Variants in PNPLA7 observed in about 807,000 individuals in gnomAD.
PNPLA7 encodes patatin like domain 7, lysophospholipase.
Under a neutral mutation model 161.7 loss-of-function variants are expected in PNPLA7, and 153 were observed. That is an observed-to-expected ratio of 0.95 (90% confidence interval 0.83 to 1.08). PNPLA7 has a LOEUF of 1.08. Ranked by LOEUF, PNPLA7 falls within the 50% of genes least tolerant of loss-of-function variation. The pLI is 0.00. For synonymous variants in PNPLA7, 809 were observed against 782.1 expected (o/e 1.03, Z -0.57); for missense variants, 1,739 against 1,856.6 (o/e 0.94, Z 1.16).
intron 8 of PNPLA7, among the ~76,000 whole-genome samples, chr9:137,528,053 T>C (rs1369689322): frequency 6.6e-6 from 1 of 152,236 alleles, no homozygotes; most frequent in Admixed American, 6.5e-5. Context: ...AATATTTCCT[T>C]ATTAGTCCTT....
At position 137,542,811 on chromosome 9, in the gene PNPLA7, C is replaced by T; in HGVS notation, c.507-10G>A. ...AAAGTGGCCCAGGACCCTGCAAGAGCCAGAGGGCACTGTGGGACGCCCTTC... is the reference window on the plus strand; with the variant it reads ...AAAGTGGCCCAGGACCCTGCAAGAGTCAGAGGGCACTGTGGGACGCCCTTC... On this transcript the variant is annotated splice_polypyrimidine_tract_variant and intron_variant, in intron 6 of 34. Transcript: ENST00000406427. 6.2e-7 allele frequency: 1 copy of T among 1,605,274 alleles called. No individual in the cohort carries two copies. The highest frequency in any genetic ancestry group is 8.5e-7 in the Non-Finnish European group (1 of 1,173,486).
chr9:137,543,652 A>C lies in PNPLA7; in HGVS notation c.365+72T>G. On this transcript the variant is annotated intron_variant, in intron 5 of 34. Coordinates refer to ENST00000406427, the MANE Select transcript of PNPLA7 (RefSeq NM_001098537.3). This position sits in a 1 kb window ranked among gnomAD's most constrained non-coding sequence, Gnocchi z 6.9. ...AGCATCAGTGGCTGACACACCAGGC[A>C]GCTCAGGGTTGGGGAGGCCAGCACC... 1 of 1,610,430 alleles carries C rather than the reference A, an allele frequency of 6.2e-7. No homozygotes were observed. The highest frequency in any genetic ancestry group is 1.1e-5 in the South Asian group (1 of 90,692).
intron 1 of PNPLA7, among the ~76,000 whole-genome samples, chr9:137,549,292 G>A (rs1192051057): frequency 1.3e-5 from 2 of 152,182 alleles, no homozygotes; most frequent in Non-Finnish European, 2.9e-5. Flanking sequence ...ACTAGGCCGG[G>A]CACGGTGGCT....
intron 11 of PNPLA7, 86 bp from the exon 12 acceptor site, chr9:137,515,605 G>A: frequency 7.0e-7 from 1 of 1,433,468 alleles, no homozygotes; most frequent in Non-Finnish European, 9.1e-7. Flanking sequence ...GCAGGGAGCA[G>A]GGTCCCCACA....
At position 137,515,444 on chromosome 9, in the gene PNPLA7, C is replaced by G. The variant is rs777949230; in HGVS notation, c.1160G>C (p.Arg387Pro). ...RSHSVPAPSI[R>P]KQILEELEKP... Reference sequence around the variant, plus strand: ...CTCCAGCTCCTCCAAGATCTGTTTGCGAATGGAAGGCGCGGGGACGGAGTG... The same window carrying G: ...CTCCAGCTCCTCCAAGATCTGTTTGGGAATGGAAGGCGCGGGGACGGAGTG... Residue 387 changes from arginine to proline, a missense_variant, in exon 12 of 35, where the codon CGC becomes CCC. Transcript: ENST00000406427. The G allele has an allele frequency of 3.1e-6, 5 of 1,600,146 alleles. No homozygotes were observed. Among genetic ancestry groups the G allele is most frequent in the Non-Finnish European group, 3.4e-6 (4 of 1,174,706 alleles).
Position 137,540,785 on chromosome 9 carries a change from A to C in PNPLA7, c.667-63T>G. 6.7e-7 allele frequency: 1 copy of C among 1,481,874 alleles called. No individual in the cohort carries two copies. Among genetic ancestry groups the C allele is most frequent in the Non-Finnish European group, 9.2e-7 (1 of 1,086,342 alleles). The allele number at this position is 1,481,874 out of a possible 1,614,324, so 91.8% of individuals were successfully genotyped here. A position where few individuals can be genotyped will look rare whatever the true frequency, so the allele number is the denominator to read the frequency against. On this transcript the variant is annotated intron_variant, in intron 7 of 34. Coordinates refer to ENST00000406427, the MANE Select transcript of PNPLA7 (RefSeq NM_001098537.3). This position sits in a 1 kb window ranked among gnomAD's most constrained non-coding sequence, Gnocchi z 5.1. ...GGGCTGCGACCGCGGGGCCTGGCGG[A>C]GGCTCAGCCCAGCCCAGGGCAGTGG...
At chr9:137,528,832 C>A (rs1835431938) in intron 8 of PNPLA7, among the ~76,000 whole-genome samples, 1 of 152,064 alleles carries the variant, frequency 6.6e-6, no homozygotes, top group South Asian at 2.1e-4. Flanking sequence ...TCCACAGTAG[C>A]TGGGACTACA....
At chr9:137,481,798 T>A (rs549775195) in intron 21 of PNPLA7, among the ~76,000 whole-genome samples, 1 of 152,118 alleles carries the variant, frequency 6.6e-6, no homozygotes, top group Non-Finnish European at 1.5e-5. Flanking sequence ...TAGCTGGGTG[T>A]GGTGGCGGGC....
chr9:137,501,290 G>A (rs1449012196), intron 15 of PNPLA7, among the ~76,000 whole-genome samples: 2 of 152,184 alleles, frequency 1.3e-5, no homozygotes, highest in African/African-American at 4.8e-5. Context: ...TGAGCCCCCG[G>A]CACACGCCAC....
Position 137,464,148 on chromosome 9 carries a change from C to T in PNPLA7, c.3204G>A (p.Ser1068=), listed in dbSNP as rs761704309. Residue 1068 remains serine, a synonymous_variant, in exon 28 of 35, where the codon TCG becomes TCA. Transcript: ENST00000406427. ...YFAITTDITA[S]AMRVHTDGSL... ...CACCGTCGGTGTGGACCCGCATGGCCGAGGCTGTGATGTCGGTGGTGATGG... is the reference window on the plus strand; with the variant it reads ...CACCGTCGGTGTGGACCCGCATGGCTGAGGCTGTGATGTCGGTGGTGATGG... 234 of 1,613,582 alleles carry T rather than the reference C, an allele frequency of 1.5e-4. No homozygotes were observed. Among genetic ancestry groups the T allele is most frequent in the Admixed American group, 2.8e-4 (17 of 60,000 alleles).
At chr9:137,469,093 AAGAGTGTT>A (rs1162059579) in intron 25 of PNPLA7, among the ~76,000 whole-genome samples, 1 of 152,248 alleles carries the variant, frequency 6.6e-6, no homozygotes, top group Non-Finnish European at 1.5e-5. Context: ...AATTAAAAAC[AAGAGTGTT>A]AATTCTGGCA....
At chr9:137,461,310 T>A in intron 33 of PNPLA7, 1 of 490,432 alleles carries the variant, frequency 2.0e-6, no homozygotes, top group Non-Finnish European at 3.7e-6. Flanking sequence ...TTGAGGTGAA[T>A]GAAGGGCAGG....
chr9:137,481,186 G>T (rs902838089), intron 21 of PNPLA7, among the ~76,000 whole-genome samples, 163 bp from the exon 22 acceptor site: 1 of 152,154 alleles, frequency 6.6e-6, no homozygotes, highest in Non-Finnish European at 1.5e-5. Context: ...CAACCCCAAG[G>T]TCTGCTCCCC....
chr9:137,460,036 A>G lies in PNPLA7; in HGVS notation c.*357T>C, dbSNP rs1042990909. 7.7e-6 allele frequency: 2 copies of G among 259,010 alleles called. No homozygotes were observed. The highest frequency in any genetic ancestry group is 4.1e-5 in the South Asian group (1 of 24,250). 16.0% of individuals were successfully genotyped at this position (259,010 alleles called of 1,614,324 possible). On this transcript the variant is annotated 3_prime_UTR_variant, in exon 35 of 35. Transcript: ENST00000406427. ...CACAGGGCAGCAGGCAGTTCACAGG[A>G]CAGCAGGCAGTTCACAGGGCTTTGG...
intron 20 of PNPLA7, among the ~76,000 whole-genome samples, chr9:137,487,122 T>C (rs971076285): frequency 1.3e-5 from 2 of 152,242 alleles, no homozygotes; most frequent in Admixed American, 1.3e-4. Context: ...CAGTGCTTGG[T>C]TGGCCCCAGC....
At chr9:137,481,113 C>A in intron 21 of PNPLA7, 90 bp from the exon 22 acceptor site, 2 of 1,403,926 alleles carry the variant, frequency 1.4e-6, no homozygotes, top group Non-Finnish European at 2.0e-6. Flanking sequence ...GTACCGACGC[C>A]GAGCCAGGCA....
At chr9:137,519,890 A>G in intron 11 of PNPLA7, 27 bp downstream of exon 11, 1 of 1,598,600 alleles carries the variant, frequency 6.3e-7, no homozygotes, top group Non-Finnish European at 8.5e-7. Context: ...GGGGCTGGAC[A>G]TTGCCCTCCT....
intron 20 of PNPLA7, chr9:137,492,241 T>C (rs762692269): frequency 3.3e-5 from 33 of 985,196 alleles, no homozygotes; most frequent in Admixed American, 6.1e-5. Flanking sequence ...CTCATTATCT[T>C]TCCATGCTGA....
chr9:137,484,593 C>T lies in PNPLA7; in HGVS notation c.2341G>A (p.Ala781Thr), dbSNP rs536406291. 47 of 1,606,270 alleles carry T rather than the reference C, an allele frequency of 2.9e-5. No individual in the cohort carries two copies. The highest frequency in any genetic ancestry group is 2.7e-5 in the African/African-American group (2 of 74,938). ...CTGGGAGGCTCAGGCTTACCGATGG[C>T]GCTGAGGGCATGCTCCAGCTCCAGG... ...FALELEHALSAIGPTLLLTSD... is the reference protein window; with the variant it reads ...FALELEHALSTIGPTLLLTSD... Residue 781 changes from alanine (A) to threonine (T), a missense_variant, in exon 21 of 35, where the codon GCC (alanine) becomes ACC (threonine). Physicochemically the swap from Ala to Thr is moderately conservative, Grantham distance 58. Around this residue, in one of 6 missense-constraint regions of PNPLA7, gnomAD observed 192 missense variants for 249.5 expected, o/e 0.77. Transcript: ENST00000406427.
Sources: allele counts gnomAD v4.1 joint callset (sites outside exome capture counted in the v4.1 genomes callset), GRCh38; gene constraint gnomAD v4.1.1; regional missense constraint gnomAD v4.1.1; non-coding constraint Gnocchi (gnomAD v3.1); transcripts MANE v1.5; gene names NCBI Gene and HGNC (gene_info 2026-07-23, HGNC 2026-07-21).